The following SPDYE3 variants were observed in gnomAD, a reference collection of about 807,000 sequenced individuals.
SPDYE3 encodes speedy protein E3.
In SPDYE3, 15 loss-of-function variants were observed where a neutral mutation model predicts 55.0. The ratio of observed to expected loss-of-function variants is 0.27; its 90% confidence interval spans 0.18 to 0.42. The LOEUF is 0.42. Ranked by LOEUF, SPDYE3 falls within the 10% of genes least tolerant of loss-of-function variation. The pLI is 1.00. For synonymous variants in SPDYE3, 89 were observed against 229.9 expected, an observed-to-expected ratio of 0.39 and a Z score of 5.55; for missense variants, 236 against 576.7, an observed-to-expected ratio of 0.41 and a Z score of 6.05.
At chr7:100,314,200 T>G (rs1446476019) in intron 5 of SPDYE3, among the ~76,000 whole-genome samples, 1 of 105,328 alleles carries the variant, frequency 9.5e-6, no homozygotes. Context: ...ATCCGGGAGA[T>G]AGATGTTGCA....
At chr7:100,310,283 TGGTTTGG>T (rs1805928091) in intron 2 of SPDYE3, 70 bp from the exon 3 acceptor site, 5 of 858,026 alleles carry the variant, frequency 5.8e-6, no homozygotes, top group African/African-American at 3.8e-5. Flanking sequence ...GGATGGAGAG[TGGTTTGG>T]GGTTTGGGGT....
intron 9 of SPDYE3, 54 bp downstream of exon 9, chr7:100,319,862 G>A (rs1324581177): frequency 6.2e-7 from 1 of 1,613,654 alleles, no homozygotes; most frequent in Non-Finnish European, 8.5e-7. Flanking sequence ...GTGGGCTGGA[G>A]GCTGGACGAG....
chr7:100,319,790 C>T lies in SPDYE3; in HGVS notation c.1572C>T (p.Ser524=), dbSNP rs1585001642. 1 of 1,614,104 alleles carries T rather than the reference C, an allele frequency of 6.2e-7. No homozygotes were observed. The highest frequency in any genetic ancestry group is 8.5e-7 in the Non-Finnish European group (1 of 1,180,024). The change falls in exon 9 of 11, where the codon TCC becomes TCT. Residue 524 remains serine, a synonymous_variant. Transcript: ENST00000332397. The part of the protein sequence containing the change: ...FCSMRCRAWV[S]PEELEEIQAY... ...CCATGCGCTGCAGGGCTTGGGTTTC[C>T]CCGGAGGAGTTGGAGGAGGTGGGTG...
At chr7:100,317,461 C>T (rs927027610) in intron 8 of SPDYE3, among the ~76,000 whole-genome samples, 5 of 152,084 alleles carry the variant, frequency 3.3e-5, no homozygotes, top group Middle Eastern at 3.4e-3. Context: ...AAAAATCAGT[C>T]GGGCATGTTG....
intron 8 of SPDYE3, among the ~76,000 whole-genome samples, chr7:100,318,008 A>G (rs1307662820): frequency 2.6e-5 from 4 of 151,352 alleles, no homozygotes; most frequent in Admixed American, 6.6e-5. Context: ...AACAAAAAAC[A>G]AAAGGAACCA....
Position 100,319,729 on chromosome 7 carries a change from C to T in SPDYE3, c.1511C>T (p.Ala504Val). The change falls in exon 9 of 11, where the codon GCC (alanine) becomes GTC (valine). Residue 504 changes from alanine to valine, a missense_variant. Physicochemically the swap from Ala to Val is moderately conservative, Grantham distance 64 (BLOSUM62 0). Transcript: ENST00000332397. The stretch of plus-strand genomic sequence containing the variant: ...GCCAGGAAGAACTGCTCTCAGATAG[C>T]CTTGTTCCAGAAGCGTCGGTTCCAG... ...PRARKNCSQI[A>V]LFQKRRFQFF... 1 of 1,614,232 alleles carries T rather than the reference C, an allele frequency of 6.2e-7. No homozygotes were observed. Among genetic ancestry groups the T allele is most frequent in the South Asian group, 1.1e-5 (1 of 91,088 alleles).
Position 100,320,949 on chromosome 7 carries a change from G to T in SPDYE3, c.*104G>T. ...CAGGAACTTTATTCCAGTGCTAATGGCAGACATCAGGAAGGAGGAGAGGAG... is the reference window on the plus strand; with the variant it reads ...CAGGAACTTTATTCCAGTGCTAATGTCAGACATCAGGAAGGAGGAGAGGAG... On this transcript the variant is annotated 3_prime_UTR_variant, in exon 11 of 11. Transcript: ENST00000332397. 1 of 1,223,738 alleles carries T rather than the reference G, an allele frequency of 8.2e-7. No individual in the cohort carries two copies. Among genetic ancestry groups the T allele is most frequent in the Non-Finnish European group, 1.1e-6 (1 of 905,892 alleles). The allele number at this position is 1,223,738 out of a possible 1,614,324, so 75.8% of individuals were successfully genotyped here.
chr7:100,316,749 C>G (rs1391946977), intron 7 of SPDYE3, among the ~76,000 whole-genome samples: 1 of 152,256 alleles, frequency 6.6e-6, no homozygotes, highest in South Asian at 2.1e-4. Context: ...CCTCTACTCT[C>G]AGCTCCTTGG....
chr7:100,320,053 G>A lies in SPDYE3; in HGVS notation c.*45+18G>A, dbSNP rs1478421773. The A allele has an allele frequency of 3.6e-5, 57 of 1,598,512 alleles. No homozygotes were observed. The highest frequency in any genetic ancestry group is 2.3e-4 in the Middle Eastern group (1 of 4,424). On this transcript the variant is annotated intron_variant, in intron 10 of 10. Coordinates refer to ENST00000332397, the MANE Select transcript of SPDYE3 (RefSeq NM_001004351.5). Reference sequence around the variant, plus strand: ...GAGAGAAGGTACATCTGCATCCTCCGGGGTAAAGGCAGAATATTGGGGTCT... The same window carrying A: ...GAGAGAAGGTACATCTGCATCCTCCAGGGTAAAGGCAGAATATTGGGGTCT...
chr7:100,308,661 A>C (rs914524330), intron 1 of SPDYE3, among the ~76,000 whole-genome samples: 1 of 151,658 alleles, frequency 6.6e-6, no homozygotes, highest in Non-Finnish European at 1.5e-5. Flanking sequence ...GTGAGCTGAG[A>C]TTGTACCACT....
At chr7:100,316,172 T>C (rs1806102425) in intron 7 of SPDYE3, among the ~76,000 whole-genome samples, 1 of 152,190 alleles carries the variant, frequency 6.6e-6, no homozygotes, top group Admixed American at 6.5e-5. Context: ...GGTTTTGCCA[T>C]GTTGGCCAGA....
intron 7 of SPDYE3, 123 bp downstream of exon 7, chr7:100,315,966 GTTTT>G: frequency 6.8e-7 from 1 of 1,466,890 alleles, no homozygotes; most frequent in Non-Finnish European, 9.3e-7. Context: ...AGTTTTTTTT[GTTTT>G]TGTTTTTGTT....
At position 100,321,337 on chromosome 7, in the gene SPDYE3, T is replaced by A. The variant is rs1226594950; in HGVS notation, c.*492T>A. On this transcript the variant is annotated 3_prime_UTR_variant, in exon 11 of 11. Coordinates refer to ENST00000332397, the MANE Select transcript of SPDYE3 (RefSeq NM_001004351.5). ...GCTTCATGCACACTATGCATTTTAT[T>A]GGTTTGTTTGGAAAATGTTGGCCAT... 3.2e-6 allele frequency: 1 copy of A among 315,290 alleles called. No individual in the cohort carries two copies. The highest frequency in any genetic ancestry group is 2.2e-5 in the African/African-American group (1 of 45,092). The allele number at this position is 315,290 out of a possible 1,614,324, so 19.5% of individuals were successfully genotyped here. A position where few individuals can be genotyped will look rare whatever the true frequency, so the allele number is the denominator to read the frequency against.
In SPDYE3 at chr7:100,320,984, C is replaced by G. The variant is rs1280817016; in HGVS notation, c.*139C>G. Reference sequence around the variant, plus strand: ...GGAAGGAGGAGAGGAGCCATTTGTGCAGATCATCTAGAAGAACCTGGACCA... The same window carrying G: ...GGAAGGAGGAGAGGAGCCATTTGTGGAGATCATCTAGAAGAACCTGGACCA... On this transcript the variant is annotated 3_prime_UTR_variant, in exon 11 of 11. Coordinates refer to ENST00000332397, the MANE Select transcript of SPDYE3 (RefSeq NM_001004351.5). 3 of 1,204,706 alleles carry G rather than the reference C, an allele frequency of 2.5e-6. No homozygotes were observed. The East Asian group carries it at 1.4e-4, about 57-fold the overall frequency. 74.6% of individuals were successfully genotyped at this position (1,204,706 alleles called of 1,614,324 possible).
Position 100,317,053 on chromosome 7 carries a change from T to C in SPDYE3, c.1261-17T>C. 6.3e-7 allele frequency: 1 copy of C among 1,576,220 alleles called. No homozygotes were observed. Among genetic ancestry groups the C allele is most frequent in the Non-Finnish European group, 8.7e-7 (1 of 1,147,486 alleles). The stretch of plus-strand genomic sequence containing the variant: ...AGATGTGACCTCTCCCTCTCTGTGT[T>C]CCTTTCTCTCCATCAGTATCTCCTG... On this transcript the variant is annotated splice_polypyrimidine_tract_variant and intron_variant, in intron 7 of 10. Transcript: ENST00000332397.
chr7:100,315,959 T>A (rs1156522815), intron 7 of SPDYE3, 116 bp downstream of exon 7: 33 of 1,530,966 alleles, frequency 2.2e-5, no homozygotes, highest in Non-Finnish European at 2.8e-5. Context: ...CTCCTACAGT[T>A]TTTTTTGTTT....
chr7:100,319,716 T>C lies in SPDYE3; in HGVS notation c.1498T>C (p.Cys500Arg). The change falls in exon 9 of 11, where the codon TGC becomes CGC. Residue 500 changes from cysteine to arginine, a missense_variant. Coordinates refer to ENST00000332397, the MANE Select transcript of SPDYE3 (RefSeq NM_001004351.5). ...CATGAACCCGAGGGCCAGGAAGAAC[T>C]GCTCTCAGATAGCCTTGTTCCAGAA... ...RPMNPRARKN[C>R]SQIALFQKRR... 6.2e-7 allele frequency: 1 copy of C among 1,614,238 alleles called. No homozygotes were observed. The highest frequency in any genetic ancestry group is 1.1e-5 in the South Asian group (1 of 91,088).
At chr7:100,317,694 G>A (rs759694723) in intron 8 of SPDYE3, among the ~76,000 whole-genome samples, 6 of 151,424 alleles carry the variant, frequency 4.0e-5, no homozygotes, top group Admixed American at 6.6e-5. Flanking sequence ...GGCCAGGTGC[G>A]GTGGCTCACG....
At chr7:100,319,202 C>T (rs1354312683) in intron 8 of SPDYE3, among the ~76,000 whole-genome samples, 2 of 152,150 alleles carry the variant, frequency 1.3e-5, no homozygotes, top group Non-Finnish European at 2.9e-5. Context: ...TGAGCCACCA[C>T]GTCTGGCGTA....
Sources: gnomAD v4.1 joint callset for allele counts (sites outside exome capture counted in the v4.1 genomes callset) on GRCh38, gnomAD v4.1.1 for gene constraint, MANE v1.5 for transcripts, NCBI Gene and HGNC (gene_info 2026-07-23, HGNC 2026-07-21) for gene names.